The following R3HDM2 variants were observed in gnomAD, a reference collection of about 807,000 sequenced individuals.
The protein encoded by R3HDM2 is R3H domain containing 2.
In R3HDM2, 38 loss-of-function variants were observed where a neutral mutation model predicts 124.5. That is an observed-to-expected ratio of 0.31 (90% CI 0.24 to 0.40). The LOEUF (loss-of-function observed/expected upper bound fraction) is 0.40. R3HDM2 is among the 10% of genes least tolerant of loss of function. R3HDM2 has a pLI of 1.00. For synonymous variants in R3HDM2, 391 were observed against 448.0 expected (o/e 0.87, Z 1.61); for missense variants, 869 against 1,236.9 (o/e 0.70, Z 4.46).
intron 1 of R3HDM2, among the ~76,000 whole-genome samples, chr12:57,397,513 G>GC (rs1555312528): frequency 2.6e-5 from 4 of 151,596 alleles, no homozygotes; most frequent in Non-Finnish European, 5.9e-5. Flanking sequence ...AAAAGTTCTA[G>GC]TTTTTTTTTA....
chr12:57,375,325 T>C (rs2063902589), intron 2 of R3HDM2, among the ~76,000 whole-genome samples: 1 of 152,186 alleles, frequency 6.6e-6, no homozygotes, highest in South Asian at 2.1e-4. Flanking sequence ...CATAATCTGA[T>C]CCTTTTATAC....
At chr12:57,283,644 C>T (rs557864727) in intron 13 of R3HDM2, among the ~76,000 whole-genome samples, 180 bp downstream of exon 13, 23 of 152,018 alleles carry the variant, frequency 1.5e-4, no homozygotes, top group South Asian at 6.2e-4. Context: ...GCGGCTGAGG[C>T]AGGAGAATCA....
Position 57,270,680 on chromosome 12 carries a change from T to C in R3HDM2, c.1345-686A>G, listed in dbSNP as rs887870632. Among the ~76,000 whole-genome samples the C allele has an allele frequency of 1.3e-4, 19 of 151,978 alleles. 1 individual carries two copies. The highest frequency in any genetic ancestry group is 1.2e-3 in the Admixed American group (18 of 15,254). ...ACTCCTGACCTCAGGTGGATCCACC[T>C]GCCTCAGCCTCCCAAAGTGTTTGGA... On this transcript the variant is annotated intron_variant, in intron 14 of 23. Transcript: ENST00000402412.
At chr12:57,368,862 A>AC (rs952667978) in intron 2 of R3HDM2, among the ~76,000 whole-genome samples, 8 of 151,430 alleles carry the variant, frequency 5.3e-5, no homozygotes, top group Non-Finnish European at 1.0e-4. Flanking sequence ...GATCTTGCGG[A>AC]CCCCCCCAAA....
At position 57,271,275 on chromosome 12, in the gene R3HDM2, G is replaced by A. The variant is rs760061725; in HGVS notation, c.1345-1281C>T. The stretch of plus-strand genomic sequence containing the variant: ...CACCTCCAAAAGGAGGGCAGAGTGA[G>A]TGGCTAAGCTGGAGGATAAGACTGA... On this transcript the variant is annotated intron_variant, in intron 14 of 23. Transcript: ENST00000402412. Among the ~76,000 whole-genome samples, 13 of 152,150 alleles carry A rather than the reference G, an allele frequency of 8.5e-5. 1 individual carries two copies. The highest frequency in any genetic ancestry group is 1.9e-4 in the Non-Finnish European group (13 of 68,028).
intron 2 of R3HDM2, among the ~76,000 whole-genome samples, chr12:57,389,010 T>C (rs957078797): frequency 1.2e-4 from 18 of 152,184 alleles, no homozygotes; most frequent in African/African-American, 4.3e-4. Flanking sequence ...TATAATACTT[T>C]TTTTCTTATC....
At chr12:57,375,538 G>A (rs543235843) in intron 2 of R3HDM2, among the ~76,000 whole-genome samples, 27 of 152,246 alleles carry the variant, frequency 1.8e-4, no homozygotes, top group African/African-American at 5.8e-4. Context: ...AATGCACTTG[G>A]AAGAAGCAGC....
intron 19 of R3HDM2, among the ~76,000 whole-genome samples, chr12:57,263,413 T>TA (rs1320981760): frequency 6.6e-6 from 1 of 152,128 alleles, no homozygotes; most frequent in East Asian, 1.9e-4. Context: ...AATAACATAA[T>TA]AAAAGTTAAG....
intron 3 of R3HDM2, among the ~76,000 whole-genome samples, chr12:57,308,313 C>T (rs1202928935): frequency 6.6e-6 from 1 of 151,670 alleles, no homozygotes; most frequent in African/African-American, 2.4e-5. Flanking sequence ...ACCTTGGCCT[C>T]CCAAAGTGCT....
At chr12:57,353,703 C>T (rs545524243) in intron 2 of R3HDM2, among the ~76,000 whole-genome samples, 35 of 152,118 alleles carry the variant, frequency 2.3e-4, no homozygotes, top group African/African-American at 6.5e-4. Context: ...GTGTGTGCCA[C>T]CATACCCAGC....
chr12:57,307,676 G>A (rs1199019568), intron 3 of R3HDM2, among the ~76,000 whole-genome samples: 1 of 150,480 alleles, frequency 6.6e-6, no homozygotes. Context: ...ACCCAGGCTG[G>A]AGTGCAGTGG....
At chr12:57,266,106 CTTTTT>C (rs74991749) in intron 19 of R3HDM2, among the ~76,000 whole-genome samples, 2 of 111,164 alleles carry the variant, frequency 1.8e-5, no homozygotes, top group Non-Finnish European at 3.8e-5. Context: ...CATAATTTTT[CTTTTT>C]TTTTTTTTTT....
In R3HDM2 at chr12:57,296,207, G is replaced by A. The variant is rs908335202; in HGVS notation, c.701+204C>T. Among the ~76,000 whole-genome samples, 5 of 151,218 alleles carry A rather than the reference G, an allele frequency of 3.3e-5. No homozygotes were observed. Among genetic ancestry groups the A allele is most frequent in the Admixed American group, 6.6e-5 (1 of 15,194 alleles). ...TTTTTTTTTTTAAAGTAATAGAGAT[G>A]GGATCTTGCTGTGTTGACCAGGCTG... On this transcript the variant is annotated intron_variant, in intron 9 of 23. Coordinates refer to ENST00000402412, the MANE Select transcript of R3HDM2 (RefSeq NM_001394031.1). The surrounding 1 kb of genome is among the most constrained non-coding windows in gnomAD (Gnocchi z 4.5).
At chr12:57,295,093 G>A (rs1417838246) in intron 10 of R3HDM2, among the ~76,000 whole-genome samples, 2 of 152,164 alleles carry the variant, frequency 1.3e-5, no homozygotes, top group African/African-American at 4.8e-5. Context: ...GGCTGAGGCA[G>A]GGATCAACCT....
chr12:57,372,931 C>G (rs1176159296), intron 2 of R3HDM2, among the ~76,000 whole-genome samples: 3 of 152,236 alleles, frequency 2.0e-5, no homozygotes, highest in Non-Finnish European at 4.4e-5. Context: ...TCTGGCCAAG[C>G]ATGGGGGCTT....
At chr12:57,359,991 G>GTAAATAAA (rs1217708029) in intron 2 of R3HDM2, among the ~76,000 whole-genome samples, 2 of 125,258 alleles carry the variant, frequency 1.6e-5, no homozygotes, top group African/African-American at 5.8e-5. Context: ...ATTGTTTTCA[G>GTAAATAAA]TAAATAAATA....
chr12:57,299,978 G>T, intron 5 of R3HDM2, 117 bp downstream of exon 5: 1 of 802,816 alleles, frequency 1.2e-6, no homozygotes, highest in Non-Finnish European at 2.1e-6. Flanking sequence ...AACAGCTTTT[G>T]TTCTGAAGTA....
In R3HDM2 at chr12:57,299,410, A is replaced by G; in HGVS notation, c.363T>C (p.Ser121=). The G allele has an allele frequency of 6.5e-7, 1 of 1,546,098 alleles. No individual in the cohort carries two copies. Among genetic ancestry groups the G allele is most frequent in the Non-Finnish European group, 8.8e-7 (1 of 1,141,656 alleles). The change falls in exon 6 of 24, where the codon TCT becomes TCC. Residue 121 remains serine, a synonymous_variant. Coordinates refer to ENST00000402412, the MANE Select transcript of R3HDM2 (RefSeq NM_001394031.1). ...TGTTTTTGTCCTTGTCTTCCTTTTCAGAGACATCTTTTGTGGACTTTTCTT... is the reference window on the plus strand; with the variant it reads ...TGTTTTTGTCCTTGTCTTCCTTTTCGGAGACATCTTTTGTGGACTTTTCTT... ...KEEEKSTKDV[S]EKEDKDKNKE...
At chr12:57,331,620 A>G (rs2058201159) in intron 2 of R3HDM2, among the ~76,000 whole-genome samples, 1 of 151,578 alleles carries the variant, frequency 6.6e-6, no homozygotes, top group Non-Finnish European at 1.5e-5. Context: ...ATATAGGGAA[A>G]CTCTGTCTCT....
Sources: allele counts gnomAD v4.1 joint callset (sites outside exome capture counted in the v4.1 genomes callset), GRCh38; gene constraint gnomAD v4.1.1; non-coding constraint Gnocchi (gnomAD v3.1); transcripts MANE v1.5; gene names NCBI Gene and HGNC (gene_info 2026-07-23, HGNC 2026-07-21).